Variants in SESTD1 observed in about 807,000 individuals in gnomAD.
SESTD1 encodes the protein SEC14 and spectrin domain containing 1.
SESTD1 carries 43 observed loss-of-function variants against 101.7 expected under a neutral mutation model. The ratio of observed to expected loss-of-function variants is 0.42; its 90% CI spans 0.33 to 0.55. The LOEUF (loss-of-function observed/expected upper bound fraction) is 0.55, where lower values mean the gene tolerates loss of function less well. SESTD1 is among the 20% of genes least tolerant of loss of function. The pLI, the probability that SESTD1 is intolerant of heterozygous loss-of-function variation, is 0.07. For missense variants in SESTD1, 647 were observed against 815.1 expected, an observed-to-expected ratio of 0.79 and a Z score of 2.51; for synonymous variants, 283 against 286.8, an observed-to-expected ratio of 0.99 and a Z score of 0.13.
rs1472324068 is a variant in SESTD1 at position 179,211,190 on chromosome 2, G to T, written c.-25-19324C>A. Among the ~76,000 whole-genome samples the T allele has an allele frequency of 1.5e-5, 2 of 133,846 alleles. 1 individual carries two copies. The highest frequency in any genetic ancestry group is 5.9e-5 in the African/African-American group (2 of 33,760). The allele number at this position is 133,846 out of a possible 152,430, so 87.8% of individuals were successfully genotyped here. On this transcript the variant is annotated intron_variant, in intron 1 of 17. Coordinates refer to ENST00000428443, the MANE Select transcript of SESTD1 (RefSeq NM_178123.5). ...ACAAACAAATGGAAACACATCCCATGCTCACGGATGGATAGAATCAATATT... is the reference window on the plus strand; with the variant it reads ...ACAAACAAATGGAAACACATCCCATTCTCACGGATGGATAGAATCAATATT...
At chr2:179,186,845 G>C (rs545016453) in intron 2 of SESTD1, among the ~76,000 whole-genome samples, 1 of 151,972 alleles carries the variant, frequency 6.6e-6, no homozygotes, top group African/African-American at 2.4e-5. Flanking sequence ...CAAATGTGTA[G>C]AGCATCAAAA....
At chr2:179,198,514 A>C (rs1173181466) in intron 1 of SESTD1, among the ~76,000 whole-genome samples, 1 of 152,044 alleles carries the variant, frequency 6.6e-6, no homozygotes, top group African/African-American at 2.4e-5. Flanking sequence ...TTTTTTCAGC[A>C]CCACACCACA....
intron 1 of SESTD1, among the ~76,000 whole-genome samples, chr2:179,223,522 A>T (rs926922899): frequency 6.6e-6 from 1 of 152,106 alleles, no homozygotes; most frequent in Non-Finnish European, 1.5e-5. Context: ...GATGAAAATG[A>T]TGTACACTTT....
chr2:179,233,484 C>T (rs1396878079), intron 1 of SESTD1, among the ~76,000 whole-genome samples: 2 of 151,944 alleles, frequency 1.3e-5, no homozygotes, highest in African/African-American at 2.4e-5. Flanking sequence ...GATGGAGTCT[C>T]GCTCTGTCAC....
intron 5 of SESTD1, among the ~76,000 whole-genome samples, chr2:179,167,689 G>A (rs1430658065): frequency 2.0e-5 from 3 of 152,104 alleles, no homozygotes; most frequent in South Asian, 2.1e-4. Context: ...AAATAACAGC[G>A]GCCTTCTTGT....
chr2:179,206,786 A>G (rs1006541076), intron 1 of SESTD1, among the ~76,000 whole-genome samples: 1 of 133,750 alleles, frequency 7.5e-6, no homozygotes, highest in Non-Finnish European at 1.6e-5. Context: ...TGTTTTCTCA[A>G]TGTGAAGGCT....
At chr2:179,233,487 TCTG>T (rs2105540432) in intron 1 of SESTD1, among the ~76,000 whole-genome samples, 1 of 152,216 alleles carries the variant, frequency 6.6e-6, no homozygotes, top group Admixed American at 6.5e-5. Flanking sequence ...GGAGTCTCGC[TCTG>T]TCACCCAGGC....
intron 5 of SESTD1, among the ~76,000 whole-genome samples, chr2:179,155,651 T>C (rs969927411): frequency 1.3e-5 from 2 of 152,114 alleles, no homozygotes; most frequent in Non-Finnish European, 2.9e-5. Flanking sequence ...GTCTTTTTGC[T>C]CTTCAATTGC....
intron 1 of SESTD1, among the ~76,000 whole-genome samples, chr2:179,239,642 C>G (rs1478718494): frequency 6.6e-6 from 1 of 152,106 alleles, no homozygotes; most frequent in East Asian, 1.9e-4. Flanking sequence ...TTCAGAGCCC[C>G]CCAGGTAAAC....
intron 1 of SESTD1, among the ~76,000 whole-genome samples, chr2:179,233,376 G>A (rs756097533): frequency 7.9e-5 from 12 of 152,214 alleles, no homozygotes; most frequent in Non-Finnish European, 1.3e-4. Context: ...TTACAAATAC[G>A]GAAAGTGCAG....
chr2:179,219,767 A>G (rs2046787304), intron 1 of SESTD1, among the ~76,000 whole-genome samples: 1 of 152,206 alleles, frequency 6.6e-6, no homozygotes, highest in South Asian at 2.1e-4. Context: ...TGGTTTTGCA[A>G]CAATATTGAC....
chr2:179,116,533 T>A, intron 15 of SESTD1, 135 bp downstream of exon 15: 1 of 1,425,960 alleles, frequency 7.0e-7, no homozygotes, highest in African/African-American at 1.4e-5. Context: ...CCAGCTGACA[T>A]TTTCTTAATT....
intron 1 of SESTD1, among the ~76,000 whole-genome samples, chr2:179,236,300 C>T (rs946853926): frequency 8.0e-6 from 1 of 125,226 alleles, no homozygotes; most frequent in Non-Finnish European, 1.6e-5. Context: ...CCAGCCTGGG[C>T]AACATAGTGA....
chr2:179,244,172 A>G (rs1003690985), intron 1 of SESTD1, among the ~76,000 whole-genome samples: 1 of 151,834 alleles, frequency 6.6e-6, no homozygotes, highest in Non-Finnish European at 1.5e-5. Flanking sequence ...ATAAAACAAA[A>G]CCAGCTGGAT....
chr2:179,263,311 G>C (rs1471516024), intron 1 of SESTD1, among the ~76,000 whole-genome samples: 1 of 152,132 alleles, frequency 6.6e-6, no homozygotes, highest in Non-Finnish European at 1.5e-5. Context: ...AAACCAGCTA[G>C]GTATTGGCAT....
chr2:179,142,640 C>T (rs1439102395), intron 9 of SESTD1, among the ~76,000 whole-genome samples: 1 of 152,234 alleles, frequency 6.6e-6, no homozygotes, highest in African/African-American at 2.4e-5. Context: ...TGCTACTCTT[C>T]ATCCTCCACA....
rs992536476 is a variant in SESTD1 at position 179,184,987 on chromosome 2, C to A, written c.56-1799G>T. Among the ~76,000 whole-genome samples, 64 of 152,018 alleles carry A rather than the reference C, an allele frequency of 4.2e-4. 3 individuals carry two copies. The highest frequency in any genetic ancestry group is 1.5e-5 in the Non-Finnish European group (1 of 67,978). ...TTATGGTCAAAAGCATCAAATGCTA[C>A]ACAGAGACAAGCATCACAAGATGCA... is the stretch of plus-strand genomic sequence containing the variant. On this transcript the variant is annotated intron_variant, in intron 2 of 17. Transcript: ENST00000428443.
At chr2:179,134,032 TTAATG>T (rs979324161) in intron 9 of SESTD1, among the ~76,000 whole-genome samples, 2 of 152,220 alleles carry the variant, frequency 1.3e-5, no homozygotes, top group Non-Finnish European at 2.9e-5. Flanking sequence ...TAGAGATGAT[TTAATG>T]TATATGAGAG....
At chr2:179,181,983 C>T (rs1364217256) in intron 3 of SESTD1, among the ~76,000 whole-genome samples, 2 of 90,488 alleles carry the variant, frequency 2.2e-5, no homozygotes, top group Non-Finnish European at 4.3e-5. Context: ...CCGCTGTTTC[C>T]ACAATATTAA....
Sources: gnomAD v4.1 joint callset for allele counts (sites outside exome capture counted in the v4.1 genomes callset) on GRCh38, gnomAD v4.1.1 for gene constraint, MANE v1.5 for transcripts, NCBI Gene and HGNC (gene_info 2026-07-23, HGNC 2026-07-21) for gene names.